Variants in SNAPC3 observed in about 807,000 individuals in gnomAD.
The protein encoded by SNAPC3 is small nuclear RNA activating complex polypeptide 3, also known as snRNA-activating protein complex subunit 3.
In SNAPC3, 56 loss-of-function variants were observed where a neutral mutation model predicts 47.7. That is an observed-to-expected ratio of 1.18 (90% CI 0.95 to 1.47). The LOEUF (loss-of-function observed/expected upper bound fraction) is 1.47, where lower values mean the gene tolerates loss of function less well. SNAPC3 is among the 40% of genes most tolerant of loss of function. The probability of loss-of-function intolerance (pLI) is 0.00; values close to 1 mark genes in which losing one functional copy is unlikely to be tolerated. For synonymous variants in SNAPC3, 235 were observed against 189.9 expected (o/e 1.24, Z -1.95); for missense variants, 665 against 511.3 (o/e 1.30, Z -2.90).
intron 6 of SNAPC3, among the ~76,000 whole-genome samples, chr9:15,451,850 A>G (rs568935274): frequency 7.4e-4 from 113 of 152,282 alleles, no homozygotes; most frequent in Admixed American, 3.1e-3. Flanking sequence ...TGATATATAT[A>G]TATTGCTTAA....
intron 7 of SNAPC3, 58 bp from the exon 8 acceptor site, chr9:15,457,901 TA>T: frequency 1.0e-6 from 1 of 969,228 alleles, no homozygotes; most frequent in Non-Finnish European, 1.6e-6. Context: ...TAATAGCTCA[TA>T]AAAATTTGTC....
chr9:15,445,018 AG>A (rs1231822150), intron 4 of SNAPC3, among the ~76,000 whole-genome samples: 1 of 152,190 alleles, frequency 6.6e-6, no homozygotes, highest in Admixed American at 6.5e-5. Context: ...ACTTGAGCCT[AG>A]GAATTCAAGG....
intron 2 of SNAPC3, among the ~76,000 whole-genome samples, chr9:15,428,424 G>A (rs554132714): frequency 4.2e-4 from 63 of 150,808 alleles, no homozygotes; most frequent in African/African-American, 1.5e-3. Flanking sequence ...CAGGAGAATG[G>A]CGTGAACCTG....
At chr9:15,457,374 C>T (rs990615578) in intron 7 of SNAPC3, among the ~76,000 whole-genome samples, 1 of 151,772 alleles carries the variant, frequency 6.6e-6, no homozygotes, top group Non-Finnish European at 1.5e-5. Flanking sequence ...GTGGGAGGAT[C>T]GCTTGAGACC....
intron 2 of SNAPC3, among the ~76,000 whole-genome samples, chr9:15,428,865 T>C (rs2031787957): frequency 6.6e-6 from 1 of 151,838 alleles, no homozygotes; most frequent in Non-Finnish European, 1.5e-5. Flanking sequence ...GGTAGGTAGA[T>C]AGGCAAAGAC....
At position 15,459,796 on chromosome 9, in the gene SNAPC3, A is replaced by G. The variant is rs1475759853; in HGVS notation, c.1166A>G (p.Tyr389Cys). ...GATGTTTGCTTCCGAATGCTGCACTATGATTCAGAAGGCAACAAACTGGGG... is the reference window on the plus strand; with the variant it reads ...GATGTTTGCTTCCGAATGCTGCACTGTGATTCAGAAGGCAACAAACTGGGG... ...FCDVCFRMLH[Y>C]DSEGNKLGEF... Residue 389 changes from tyrosine to cysteine, a missense_variant, in exon 9 of 9, where the codon TAT becomes TGT. By Grantham distance (194) the Tyr-to-Cys change is radical. Transcript: ENST00000380821. 9 of 1,613,552 alleles carry G rather than the reference A, an allele frequency of 5.6e-6. No homozygotes were observed. Among genetic ancestry groups the G allele is most frequent in the East Asian group, 4.5e-5 (2 of 44,864 alleles).
chr9:15,443,523 T>A (rs2033681099), intron 3 of SNAPC3, among the ~76,000 whole-genome samples: 2 of 152,166 alleles, frequency 1.3e-5, no homozygotes, highest in South Asian at 4.1e-4. Context: ...GATGTTTCTG[T>A]TTCATTCTCT....
At chr9:15,431,052 A>G (rs904666191) in intron 2 of SNAPC3, among the ~76,000 whole-genome samples, 1 of 152,170 alleles carries the variant, frequency 6.6e-6, no homozygotes, top group Non-Finnish European at 1.5e-5. Context: ...AGGAGTCTCA[A>G]AGGTTTTGCT....
At position 15,453,213 on chromosome 9, in the gene SNAPC3, A is replaced by T; in HGVS notation, c.980+8A>T. 6 of 1,596,260 alleles carry T rather than the reference A, an allele frequency of 3.8e-6. No individual in the cohort carries two copies. Among genetic ancestry groups the T allele is most frequent in the Non-Finnish European group, 5.1e-6 (6 of 1,170,056 alleles). On this transcript the variant is annotated splice_region_variant and intron_variant, in intron 7 of 8. Transcript: ENST00000380821. Reference sequence around the variant, plus strand: ...TGTCATTACTGACATAAGGTAGGTGACAGCACTTAAGACATTTTGTTACCT... The same window carrying T: ...TGTCATTACTGACATAAGGTAGGTGTCAGCACTTAAGACATTTTGTTACCT...
intron 3 of SNAPC3, among the ~76,000 whole-genome samples, chr9:15,435,256 G>A (rs2032649576): frequency 6.6e-6 from 1 of 152,034 alleles, no homozygotes; most frequent in South Asian, 2.1e-4. Context: ...TTTTCAAATT[G>A]GGTTGTTTAT....
chr9:15,423,048 G>A lies in SNAPC3; in HGVS notation c.169G>A (p.Gly57Arg), dbSNP rs202082183. The A allele has an allele frequency of 1.3e-6, 2 of 1,516,252 alleles. No individual in the cohort carries two copies. The highest frequency in any genetic ancestry group is 2.6e-5 in the East Asian group (1 of 38,902). The allele number at this position is 1,516,252 out of a possible 1,614,324, so 93.9% of individuals were successfully genotyped here. Residue 57 changes from glycine (G) to arginine (R), a missense_variant, in exon 1 of 9, where the codon GGG (glycine) becomes AGG (arginine). Gly to Arg is a moderately radical substitution (Grantham distance 125, BLOSUM62 -2). Coordinates refer to ENST00000380821, the MANE Select transcript of SNAPC3 (RefSeq NM_001039697.2). ...FGELWRGRLR[G>R]AGDLSLREPP... Reference sequence around the variant, plus strand: ...GGAGCTGTGGCGGGGCCGTCTGCGCGGGGCCGGGGACTTGTCGCTGAGGGA... The same window carrying A: ...GGAGCTGTGGCGGGGCCGTCTGCGCAGGGCCGGGGACTTGTCGCTGAGGGA...
intron 3 of SNAPC3, among the ~76,000 whole-genome samples, chr9:15,442,333 A>C (rs1450718096): frequency 6.7e-6 from 1 of 148,658 alleles, no homozygotes; most frequent in African/African-American, 2.5e-5. Context: ...GGCTGGCTGG[A>C]CGGGGCGGCT....
Position 15,461,285 on chromosome 9 carries a change from C to G in SNAPC3, c.*1419C>G, listed in dbSNP as rs1421392413. On this transcript the variant is annotated 3_prime_UTR_variant, in exon 9 of 9. Transcript: ENST00000380821. ...AGGTGATCCTCCCACCTCAGCCTACCGAGTAGCTGAGACATGGTGGCACAG... is the reference window on the plus strand; with the variant it reads ...AGGTGATCCTCCCACCTCAGCCTACGGAGTAGCTGAGACATGGTGGCACAG... 1 of 152,170 alleles carries G rather than the reference C, an allele frequency of 6.6e-6. No homozygotes were observed. The allele number at this position is 152,170 out of a possible 1,614,324, so 9.4% of individuals were successfully genotyped here. A position where few individuals can be genotyped will look rare whatever the true frequency, so the allele number is the denominator to read the frequency against.
chr9:15,449,555 ATATATATATTTTTTTTTTT>A (rs1483107515), intron 5 of SNAPC3, among the ~76,000 whole-genome samples: 774 of 38,662 alleles, frequency 0.02, 14 homozygotes, highest in African/African-American at 0.081. Context: ...ATATATATAT[ATATATATATTTTTTTTTTT>A]TTTTTTTTTT....
intron 2 of SNAPC3, among the ~76,000 whole-genome samples, chr9:15,431,176 C>T (rs1482176007): frequency 6.6e-6 from 1 of 152,150 alleles, no homozygotes; most frequent in Non-Finnish European, 1.5e-5. Flanking sequence ...AGCTTTCCTG[C>T]CAACCCCATT....
downstream of SNAPC3, chr9:15,465,878 A>G (rs1278907226): frequency 3.4e-6 from 1 of 290,454 alleles, no homozygotes. Flanking sequence ...AATTCTCTTT[A>G]AAGAACATGA....
At chr9:15,457,789 G>C (rs2034907067) in intron 7 of SNAPC3, among the ~76,000 whole-genome samples, 171 bp from the exon 8 acceptor site, 1 of 152,102 alleles carries the variant, frequency 6.6e-6, no homozygotes, top group African/African-American at 2.4e-5. Flanking sequence ...GTATTTTGTG[G>C]AACAGAATTT....
chr9:15,441,720 A>G (rs1450045938), intron 3 of SNAPC3, among the ~76,000 whole-genome samples: 1 of 152,200 alleles, frequency 6.6e-6, no homozygotes, highest in East Asian at 1.9e-4. Flanking sequence ...GGGTAAGGTT[A>G]TAGATTAACA....
Position 15,442,092 on chromosome 9 carries a change from C to T in SNAPC3, c.478-2510C>T, listed in dbSNP as rs181231520. ...CCCCCAACCTCCCTCCCGGACGGGGCGGCTGGCCAGGCGGGGGCTGCCCCC... is the reference window on the plus strand; with the variant it reads ...CCCCCAACCTCCCTCCCGGACGGGGTGGCTGGCCAGGCGGGGGCTGCCCCC... On this transcript the variant is annotated intron_variant, in intron 3 of 8. Transcript: ENST00000380821. Among the ~76,000 whole-genome samples the T allele has an allele frequency of 1.7e-4, 25 of 148,996 alleles. 1 individual carries two copies. The highest frequency in any genetic ancestry group is 2.5e-4 in the African/African-American group (10 of 40,152).
Sources: allele counts gnomAD v4.1 joint callset (sites outside exome capture counted in the v4.1 genomes callset), GRCh38; gene constraint gnomAD v4.1.1; transcripts MANE v1.5; gene names NCBI Gene and HGNC (gene_info 2026-07-23, HGNC 2026-07-21).